The following CNTNAP3B variants were observed in gnomAD, a reference collection of about 807,000 sequenced individuals.
CNTNAP3B encodes the protein contactin associated protein family member 3B, also known as contactin-associated protein-like 3B.
In CNTNAP3B, 25 loss-of-function variants were observed where a neutral mutation model predicts 108.9. The ratio of observed to expected loss-of-function variants is 0.23; its 90% CI spans 0.17 to 0.32. The LOEUF (loss-of-function observed/expected upper bound fraction) is 0.32, where lower values mean the gene tolerates loss of function less well. Ranked by LOEUF, CNTNAP3B falls within the 10% of genes least tolerant of loss-of-function variation. The pLI, the probability that CNTNAP3B is intolerant of heterozygous loss-of-function variation, is 1.00. For synonymous variants in CNTNAP3B, 103 were observed against 473.4 expected, an observed-to-expected ratio of 0.22 and a Z score of 10.16; for missense variants, 252 against 1,210.4, an observed-to-expected ratio of 0.21 and a Z score of 11.75.
At chr9:41,940,493 G>A (rs1002109014) in intron 13 of CNTNAP3B, among the ~76,000 whole-genome samples, 1 of 152,012 alleles carries the variant, frequency 6.6e-6, no homozygotes. Context: ...TATATATCCA[G>A]AGAAACTATC....
intron 1 of CNTNAP3B, among the ~76,000 whole-genome samples, chr9:42,110,167 A>G (rs1426832164): frequency 2.3e-5 from 3 of 128,852 alleles, no homozygotes. Flanking sequence ...TTTATATGGA[A>G]TTACATATTG....
rs575737445 is a variant in CNTNAP3B at position 42,110,667 on chromosome 9, G to A, written c.86-5928C>T. Among the ~76,000 whole-genome samples, 45 of 137,816 alleles carry A rather than the reference G, an allele frequency of 3.3e-4. 4 individuals are homozygous for A. Among genetic ancestry groups the A allele is most frequent in the African/African-American group, 1.2e-3 (40 of 34,648 alleles). 90.4% of individuals were successfully genotyped at this position (137,816 alleles called of 152,430 possible). On this transcript the variant is annotated intron_variant, in intron 1 of 23. Coordinates refer to ENST00000377561, the MANE Select transcript of CNTNAP3B (RefSeq NM_001201380.3). ...AGCAGGGAGCACGGCCTCGGGAATCGAATCACAAACAGGGAAGGGGGTGCC... is the reference window on the plus strand; with the variant it reads ...AGCAGGGAGCACGGCCTCGGGAATCAAATCACAAACAGGGAAGGGGGTGCC...
At chr9:42,119,362 C>T (rs1374837745) in intron 1 of CNTNAP3B, among the ~76,000 whole-genome samples, 2 of 133,200 alleles carry the variant, frequency 1.5e-5, no homozygotes, top group Non-Finnish European at 3.2e-5. Flanking sequence ...ATTCCATGCT[C>T]ATGGGTAGGA....
At position 42,077,132 on chromosome 9, in the gene CNTNAP3B, A is replaced by C. The variant is rs1284393604; in HGVS notation, c.197-70T>G. The C allele has an allele frequency of 4.0e-4, 402 of 1,008,430 alleles. 37 individuals carry two copies. The highest frequency in any genetic ancestry group is 5.1e-4 in the Non-Finnish European group (368 of 719,918). The allele number at this position is 1,008,430 out of a possible 1,614,324, so 62.5% of individuals were successfully genotyped here. A position where few individuals can be genotyped will look rare whatever the true frequency, so the allele number is the denominator to read the frequency against. ...TATTTAACATAGCTGTTACTAGATTAGAAAACTATAAAATTATGAATATAT... is the reference window on the plus strand; with the variant it reads ...TATTTAACATAGCTGTTACTAGATTCGAAAACTATAAAATTATGAATATAT... On this transcript the variant is annotated intron_variant, in intron 2 of 23. Coordinates refer to ENST00000377561, the MANE Select transcript of CNTNAP3B (RefSeq NM_001201380.3).
chr9:41,932,851 A>G (rs1300449864), intron 14 of CNTNAP3B, among the ~76,000 whole-genome samples: 1 of 152,264 alleles, frequency 6.6e-6, no homozygotes, highest in Non-Finnish European at 1.5e-5. Context: ...GGAGTAGGTC[A>G]GCAATAATAA....
rs1825441728 is a variant in CNTNAP3B at position 41,972,619 on chromosome 9, C to A, written c.1478-2374G>T. 1.4e-5 allele frequency among the ~76,000 whole-genome samples: 2 copies of A among 138,026 alleles called. 1 individual carries two copies. Among genetic ancestry groups the A allele is most frequent in the South Asian group, 4.7e-4 (2 of 4,264 alleles). The allele number at this position is 138,026 out of a possible 152,430, so 90.6% of individuals were successfully genotyped here. ...TTTAGCTTATCGAAACTATACATAACCTCACAGACACTTGGAAGTTTAACA... is the reference window on the plus strand; with the variant it reads ...TTTAGCTTATCGAAACTATACATAAACTCACAGACACTTGGAAGTTTAACA... On this transcript the variant is annotated intron_variant, in intron 9 of 23. Transcript: ENST00000377561.
Position 41,999,532 on chromosome 9 carries a change from TACACACACACACACATACACAC to T in CNTNAP3B, c.539-950_539-929del, listed in dbSNP as rs1299347216. ...TTCCTTAAAACTCTCTCTCTCTCTC[TACACACACACACACATACACAC>T]ACACACACACACACAGGCACACAGA... On this transcript the variant is annotated intron_variant, in intron 4 of 23. Transcript: ENST00000377561. Among the ~76,000 whole-genome samples the T allele has an allele frequency of 1.7e-4, 20 of 118,988 alleles. 2 individuals are homozygous for T. Among genetic ancestry groups the T allele is most frequent in the African/African-American group, 7.2e-4 (20 of 27,810 alleles). The allele number at this position is 118,988 out of a possible 152,430, so 78.1% of individuals were successfully genotyped here.
Position 41,983,240 on chromosome 9 carries a change from T to C in CNTNAP3B, c.1477+2928A>G, listed in dbSNP as rs1261291779. The C allele has an allele frequency of 6.0e-5, 8 of 133,280 alleles. 2 individuals carry two copies. Among genetic ancestry groups the C allele is most frequent in the African/African-American group, 2.4e-4 (8 of 33,234 alleles). 8.3% of individuals were successfully genotyped at this position (133,280 alleles called of 1,614,324 possible). ...AGCATCACGTATTTTCTGTAGGAAATGGGAATTATATATGAATATACATTG... is the reference window on the plus strand; with the variant it reads ...AGCATCACGTATTTTCTGTAGGAAACGGGAATTATATATGAATATACATTG... On this transcript the variant is annotated intron_variant, in intron 9 of 23. Transcript: ENST00000377561.
At chr9:41,950,641 T>C (rs1339992631) in intron 13 of CNTNAP3B, among the ~76,000 whole-genome samples, 1 of 149,852 alleles carries the variant, frequency 6.7e-6, no homozygotes, top group Non-Finnish European at 1.5e-5. Context: ...AAAGAGTACA[T>C]ACTATATAAT....
chr9:41,927,595 G>A (rs1288990718), intron 15 of CNTNAP3B, among the ~76,000 whole-genome samples: 1 of 150,646 alleles, frequency 6.6e-6, no homozygotes, highest in Admixed American at 6.6e-5. Flanking sequence ...GATGGAGGAA[G>A]GAAATTAAGA....
chr9:41,952,380 T>A, intron 13 of CNTNAP3B, among the ~76,000 whole-genome samples: 1 of 152,174 alleles, frequency 6.6e-6, no homozygotes, highest in Non-Finnish European at 1.5e-5. Flanking sequence ...CCAGTGATCC[T>A]CCCGCCTATA....
intron 13 of CNTNAP3B, among the ~76,000 whole-genome samples, chr9:41,938,961 T>C (rs1373153000): frequency 6.6e-6 from 1 of 152,172 alleles, no homozygotes; most frequent in Non-Finnish European, 1.5e-5. Context: ...ATTGATAGGC[T>C]TTTCTCATCT....
At chr9:42,079,337 C>T (rs1827562773) in intron 2 of CNTNAP3B, among the ~76,000 whole-genome samples, 1 of 132,720 alleles carries the variant, frequency 7.5e-6, no homozygotes, top group Non-Finnish European at 1.6e-5. Flanking sequence ...TCTCTACTGG[C>T]CCTTCCTGTT....
chr9:42,070,386 C>A (rs1450239370), intron 3 of CNTNAP3B, among the ~76,000 whole-genome samples: 2 of 149,748 alleles, frequency 1.3e-5, no homozygotes, highest in Non-Finnish European at 3.0e-5. Context: ...GAAGGCCGAC[C>A]GAAACTAGAT....
chr9:41,894,327 T>C (rs1296160237), intron 23 of CNTNAP3B, among the ~76,000 whole-genome samples: 2 of 109,816 alleles, frequency 1.8e-5, no homozygotes, highest in Admixed American at 1.8e-4. Flanking sequence ...GGGGTGTTGC[T>C]ATGTTGCCCA....
At chr9:41,919,846 C>A (rs1229471253) in intron 18 of CNTNAP3B, among the ~76,000 whole-genome samples, 1 of 152,296 alleles carries the variant, frequency 6.6e-6, no homozygotes, top group African/African-American at 2.4e-5. Flanking sequence ...CTGGGGTAAC[C>A]CAGAGATCTT....
intron 10 of CNTNAP3B, among the ~76,000 whole-genome samples, chr9:41,965,024 A>T (rs1432623001): frequency 6.6e-6 from 1 of 152,280 alleles, no homozygotes; most frequent in Non-Finnish European, 1.5e-5. Flanking sequence ...GGAGGAAGAT[A>T]CAGAGGGGAG....
In CNTNAP3B at chr9:42,001,369, G is replaced by A. The variant is rs988871685; in HGVS notation, c.539-2765C>T. Among the ~76,000 whole-genome samples, 5 of 129,348 alleles carry A rather than the reference G, an allele frequency of 3.9e-5. 1 individual carries two copies. Among genetic ancestry groups the A allele is most frequent in the South Asian group, 2.6e-4 (1 of 3,914 alleles). The allele number at this position is 129,348 out of a possible 152,430, so 84.9% of individuals were successfully genotyped here. ...GTGGAGGCTGCAGTGAGCAGTGCTT[G>A]TGTCACTGCACCCCAGCCTGGGCAA... On this transcript the variant is annotated intron_variant, in intron 4 of 23. Coordinates refer to ENST00000377561, the MANE Select transcript of CNTNAP3B (RefSeq NM_001201380.3).
At chr9:41,961,621 G>A (rs1451813251) in intron 11 of CNTNAP3B, among the ~76,000 whole-genome samples, 1 of 152,296 alleles carries the variant, frequency 6.6e-6, no homozygotes, top group Non-Finnish European at 1.5e-5. Context: ...CAATATGAAT[G>A]AGCATTTTAA....
Sources: gnomAD v4.1 joint callset for allele counts (sites outside exome capture counted in the v4.1 genomes callset) on GRCh38, gnomAD v4.1.1 for gene constraint, MANE v1.5 for transcripts, NCBI Gene and HGNC (gene_info 2026-07-23, HGNC 2026-07-21) for gene names.